The following GRIK2 variants were observed in gnomAD, a reference collection of about 807,000 sequenced individuals.
GRIK2 encodes glutamate ionotropic receptor kainate type subunit 2.
GRIK2 carries 32 observed loss-of-function variants against 100.3 expected under a neutral mutation model. The observed-to-expected ratio is 0.32, with a 90% confidence interval of 0.24 to 0.43. GRIK2 has a LOEUF of 0.43. Ranked by LOEUF, GRIK2 falls within the 20% of genes least tolerant of loss-of-function variation. The probability of loss-of-function intolerance (pLI) is 1.00; values close to 1 mark genes in which losing one functional copy is unlikely to be tolerated. For missense variants in GRIK2, 843 were observed against 1,114.9 expected (o/e 0.76, Z 3.47); for synonymous variants, 417 against 389.4 (o/e 1.07, Z -0.83).
intron 2 of GRIK2, among the ~76,000 whole-genome samples, chr6:101,427,990 G>A (rs1257422912): frequency 3.3e-5 from 5 of 152,086 alleles, no homozygotes; most frequent in Non-Finnish European, 5.9e-5. Context: ...GTATGTACTC[G>A]GAAAGTAGTT....
chr6:101,552,889 A>G lies in GRIK2; in HGVS notation c.116-69060A>G, dbSNP rs76813231. Among the ~76,000 whole-genome samples the G allele has an allele frequency of 2.3e-4, 35 of 152,276 alleles. No homozygotes were observed. The East Asian group carries it at 6.6e-3, about 29-fold the overall frequency. ...TAGGAAATACTCTAAAAAACACTCTATGTCTGAAGTTCAAACTACTAGATT... is the reference window on the plus strand; with the variant it reads ...TAGGAAATACTCTAAAAAACACTCTGTGTCTGAAGTTCAAACTACTAGATT... On this transcript the variant is annotated intron_variant, in intron 2 of 16. Coordinates refer to ENST00000369134, the MANE Select transcript of GRIK2 (RefSeq NM_021956.5).
chr6:101,792,460 C>G (rs959403938), intron 7 of GRIK2, among the ~76,000 whole-genome samples: 25 of 151,470 alleles, frequency 1.7e-4, no homozygotes, highest in Admixed American at 1.2e-3. Context: ...TTCTCCTTCA[C>G]TTATGAAGCT....
At chr6:101,845,530 C>T (rs1018023121) in intron 10 of GRIK2, among the ~76,000 whole-genome samples, 3 of 152,094 alleles carry the variant, frequency 2.0e-5, no homozygotes, top group African/African-American at 7.2e-5. Flanking sequence ...CCATTTTATG[C>T]ATATTCATCA....
At chr6:102,043,506 A>T (rs1770709362) in intron 15 of GRIK2, among the ~76,000 whole-genome samples, 1 of 151,830 alleles carries the variant, frequency 6.6e-6, no homozygotes, top group Non-Finnish European at 1.5e-5. Flanking sequence ...AGAATATGTG[A>T]TATCCGTCTT....
intron 7 of GRIK2, among the ~76,000 whole-genome samples, chr6:101,750,678 T>G (rs1029149942): frequency 1.3e-5 from 2 of 152,204 alleles, no homozygotes; most frequent in Admixed American, 1.3e-4. Context: ...TTCTGTAGTT[T>G]CTGACTCCTT....
chr6:102,016,887 T>C (rs1410413418), intron 14 of GRIK2, among the ~76,000 whole-genome samples: 1 of 152,034 alleles, frequency 6.6e-6, no homozygotes, highest in Non-Finnish European at 1.5e-5. Flanking sequence ...AAAGGACAGG[T>C]AACCTACAAA....
intron 2 of GRIK2, among the ~76,000 whole-genome samples, chr6:101,443,875 T>G (rs747790021): frequency 6.6e-5 from 10 of 151,960 alleles, no homozygotes; most frequent in Non-Finnish European, 1.3e-4. Context: ...ATTTTAAAAT[T>G]TATTTTATTT....
intron 2 of GRIK2, among the ~76,000 whole-genome samples, chr6:101,548,463 T>G (rs2128291473): frequency 1.3e-5 from 2 of 152,322 alleles, no homozygotes; most frequent in Non-Finnish European, 2.9e-5. Flanking sequence ...GGTCTAACGT[T>G]TAAGTCTTTA....
At chr6:101,991,484 G>T (rs1421300246) in intron 14 of GRIK2, among the ~76,000 whole-genome samples, 3 of 150,280 alleles carry the variant, frequency 2.0e-5, no homozygotes, top group East Asian at 2.0e-4. Context: ...AGTGTTTGTT[G>T]TATAGCTTTT....
chr6:101,929,124 G>T (rs1273066138), intron 14 of GRIK2, among the ~76,000 whole-genome samples: 1 of 152,062 alleles, frequency 6.6e-6, no homozygotes, highest in East Asian at 1.9e-4. Context: ...AATAGTCTGG[G>T]AGACACAGAG....
chr6:101,681,900 T>G (rs1002828971), intron 5 of GRIK2, among the ~76,000 whole-genome samples: 2 of 152,212 alleles, frequency 1.3e-5, no homozygotes, highest in Non-Finnish European at 1.5e-5. Context: ...GAAAATGACA[T>G]GGACACTTGT....
chr6:101,527,419 G>A (rs1476747233), intron 2 of GRIK2, among the ~76,000 whole-genome samples: 1 of 151,912 alleles, frequency 6.6e-6, no homozygotes, highest in Non-Finnish European at 1.5e-5. Flanking sequence ...ATCCCCCAAA[G>A]CTCACCAAAA....
At chr6:101,645,383 G>C (rs1781476996) in intron 4 of GRIK2, among the ~76,000 whole-genome samples, 1 of 151,710 alleles carries the variant, frequency 6.6e-6, no homozygotes, top group South Asian at 2.1e-4. Context: ...GTTATAACTA[G>C]CCATCATCAA....
intron 10 of GRIK2, among the ~76,000 whole-genome samples, chr6:101,827,193 C>T (rs577745475): frequency 7.9e-5 from 12 of 151,812 alleles, no homozygotes; most frequent in African/African-American, 2.2e-4. Flanking sequence ...GCAGAAACTA[C>T]GTATATGATT....
At chr6:101,833,068 A>G (rs1782805931) in intron 10 of GRIK2, among the ~76,000 whole-genome samples, 1 of 152,238 alleles carries the variant, frequency 6.6e-6, no homozygotes, top group Admixed American at 6.5e-5. Flanking sequence ...AATGCTATAA[A>G]TATAGAAAAA....
chr6:101,440,150 G>A (rs1769962519), intron 2 of GRIK2, among the ~76,000 whole-genome samples: 1 of 151,968 alleles, frequency 6.6e-6, no homozygotes, highest in Non-Finnish European at 1.5e-5. Flanking sequence ...GGGTATCAAA[G>A]AAAAATATTT....
intron 7 of GRIK2, among the ~76,000 whole-genome samples, chr6:101,743,831 T>C (rs564843193): frequency 1.9e-4 from 29 of 152,318 alleles, no homozygotes; most frequent in African/African-American, 4.8e-4. Context: ...TAAAAAACGT[T>C]AATAGGTTTT....
intron 8 of GRIK2, among the ~76,000 whole-genome samples, chr6:101,801,476 G>A (rs1245228365): frequency 1.3e-5 from 2 of 151,836 alleles, no homozygotes; most frequent in Admixed American, 1.3e-4. Flanking sequence ...CAGAAATTTA[G>A]TAATATTAAT....
At chr6:101,753,285 A>C (rs933210000) in intron 7 of GRIK2, among the ~76,000 whole-genome samples, 1 of 130,174 alleles carries the variant, frequency 7.7e-6, no homozygotes, top group Non-Finnish European at 1.5e-5. Context: ...TCCGTCTCAA[A>C]AAAAAAAAAA....
Sources: gnomAD v4.1 joint callset for allele counts (sites outside exome capture counted in the v4.1 genomes callset) on GRCh38, gnomAD v4.1.1 for gene constraint, MANE v1.5 for transcripts, NCBI Gene and HGNC (gene_info 2026-07-23, HGNC 2026-07-21) for gene names.